The following ROBO1 variants were observed in gnomAD, a reference collection of about 807,000 sequenced individuals.
ROBO1 encodes the protein roundabout homolog 1.
In ROBO1, 149 loss-of-function variants were observed where a neutral mutation model predicts 195.9. The observed-to-expected ratio is 0.76, with a 90% confidence interval of 0.67 to 0.87. The LOEUF is 0.87. Among genes scored for constraint, ROBO1 ranks in the 40% least tolerant of loss-of-function variants. The pLI, the probability that ROBO1 is intolerant of heterozygous loss-of-function variation, is 0.00. For synonymous variants in ROBO1, 816 were observed against 733.2 expected (o/e 1.11, Z -1.82); for missense variants, 1,933 against 2,068.3 (o/e 0.93, Z 1.27).
At chr3:79,427,622 C>G (rs566662590) in intron 2 of ROBO1, among the ~76,000 whole-genome samples, 1 of 152,062 alleles carries the variant, frequency 6.6e-6, no homozygotes, top group Non-Finnish European at 1.5e-5. Flanking sequence ...AATAGAGAAC[C>G]CTGAAATAAC....
At chr3:78,925,779 G>A (rs1348813804) in intron 4 of ROBO1, among the ~76,000 whole-genome samples, 1 of 152,120 alleles carries the variant, frequency 6.6e-6, no homozygotes, top group Non-Finnish European at 1.5e-5. Context: ...TCCATTTATG[G>A]TTACCTTTAA....
intron 8 of ROBO1, among the ~76,000 whole-genome samples, chr3:78,709,921 A>C (rs1308268922): frequency 6.6e-6 from 1 of 152,212 alleles, no homozygotes; most frequent in Non-Finnish European, 1.5e-5. Flanking sequence ...ATGTAATGCA[A>C]TCTTTTTGAT....
chr3:78,622,111 T>C (rs1002289083), intron 26 of ROBO1, among the ~76,000 whole-genome samples: 4 of 152,174 alleles, frequency 2.6e-5, no homozygotes, highest in Admixed American at 2.0e-4. Flanking sequence ...AGTTTAATTA[T>C]ATTATTTTCC....
At chr3:79,314,113 T>G (rs566524473) in intron 2 of ROBO1, among the ~76,000 whole-genome samples, 1 of 152,332 alleles carries the variant, frequency 6.6e-6, no homozygotes, top group South Asian at 2.1e-4. Flanking sequence ...CTAGGTCTCA[T>G]GCTCCTCCTT....
chr3:78,998,884 G>C (rs2077429385), intron 3 of ROBO1, among the ~76,000 whole-genome samples: 1 of 151,902 alleles, frequency 6.6e-6, no homozygotes, highest in South Asian at 2.1e-4. Flanking sequence ...GGTTTCCTTT[G>C]CCACATAGTT....
At chr3:79,693,119 TAAAAG>T (rs1163888989) in intron 1 of ROBO1, among the ~76,000 whole-genome samples, 1 of 151,778 alleles carries the variant, frequency 6.6e-6, no homozygotes, top group Non-Finnish European at 1.5e-5. Flanking sequence ...TGAAAATCGT[TAAAAG>T]AATAGATTTG....
At chr3:79,229,802 G>A (rs1441452516) in intron 2 of ROBO1, among the ~76,000 whole-genome samples, 1 of 151,954 alleles carries the variant, frequency 6.6e-6, no homozygotes, top group African/African-American at 2.4e-5. Context: ...TTTTATTCCC[G>A]ATAAATCTTA....
intron 3 of ROBO1, among the ~76,000 whole-genome samples, chr3:79,025,779 AG>A (rs2108288314): frequency 6.6e-6 from 1 of 152,274 alleles, no homozygotes; most frequent in South Asian, 2.1e-4. Flanking sequence ...GCACTGACTG[AG>A]GTTAAAGTAT....
chr3:79,110,298 G>C (rs1230158405), intron 3 of ROBO1, among the ~76,000 whole-genome samples: 1 of 151,878 alleles, frequency 6.6e-6, no homozygotes, highest in African/African-American at 2.4e-5. Flanking sequence ...TACAATACTA[G>C]TTCACTGACA....
chr3:78,885,918 T>C (rs1194777016), intron 4 of ROBO1, among the ~76,000 whole-genome samples: 1 of 142,190 alleles, frequency 7.0e-6, no homozygotes, highest in African/African-American at 2.6e-5. Flanking sequence ...TTTATATATA[T>C]ATATATATAT....
chr3:79,341,913 C>G (rs1336738181), intron 2 of ROBO1, among the ~76,000 whole-genome samples: 2 of 152,066 alleles, frequency 1.3e-5, no homozygotes, highest in Non-Finnish European at 2.9e-5. Flanking sequence ...TATTCAAACA[C>G]TACAATGAGT....
chr3:78,920,371 C>G (rs1024498004), intron 4 of ROBO1, among the ~76,000 whole-genome samples: 2 of 151,976 alleles, frequency 1.3e-5, no homozygotes, highest in Non-Finnish European at 2.9e-5. Context: ...GTGGCACAAT[C>G]TCAGCTCACT....
chr3:79,312,567 C>T (rs2033537408), intron 2 of ROBO1, among the ~76,000 whole-genome samples: 1 of 151,982 alleles, frequency 6.6e-6, no homozygotes, highest in Admixed American at 6.6e-5. Context: ...CTATACTTAC[C>T]CCAAGCTTCT....
chr3:78,788,084 C>T (rs1576166384), intron 4 of ROBO1, among the ~76,000 whole-genome samples: 5 of 151,512 alleles, frequency 3.3e-5, no homozygotes, highest in South Asian at 2.1e-4. Context: ...GGACTACAGG[C>T]GCCTGCCACC....
intron 3 of ROBO1, among the ~76,000 whole-genome samples, chr3:79,076,359 T>A (rs1262981773): frequency 6.7e-6 from 1 of 150,114 alleles, no homozygotes; most frequent in Non-Finnish European, 1.5e-5. Flanking sequence ...TACCATTAAA[T>A]ACAAACTATT....
intron 8 of ROBO1, among the ~76,000 whole-genome samples, chr3:78,691,806 T>G (rs1488970491): frequency 6.6e-6 from 1 of 152,164 alleles, no homozygotes; most frequent in East Asian, 1.9e-4. Context: ...TTAACAATTT[T>G]CAATCTGAAA....
At chr3:79,473,014 T>C (rs1392762235) in intron 2 of ROBO1, among the ~76,000 whole-genome samples, 2 of 152,270 alleles carry the variant, frequency 1.3e-5, no homozygotes, top group African/African-American at 2.4e-5. Context: ...TGGAAACACT[T>C]AATTAAAAAC....
chr3:79,245,025 T>C lies in ROBO1; in HGVS notation c.89-119486A>G, dbSNP rs536818416. Among the ~76,000 whole-genome samples, 4 of 152,214 alleles carry C rather than the reference T, an allele frequency of 2.6e-5. No individual in the cohort carries two copies. The East Asian group carries it at 7.7e-4, about 29-fold the overall frequency. ...TTTTAGATTGACTACCACACATGATTAAAATGTCTGAATTTTGGTACATTG... is the reference window on the plus strand; with the variant it reads ...TTTTAGATTGACTACCACACATGATCAAAATGTCTGAATTTTGGTACATTG... On this transcript the variant is annotated intron_variant, in intron 2 of 30. Coordinates refer to ENST00000464233, the MANE Select transcript of ROBO1 (RefSeq NM_002941.4).
intron 2 of ROBO1, among the ~76,000 whole-genome samples, chr3:79,386,655 G>A (rs954017686): frequency 6.6e-6 from 1 of 152,046 alleles, no homozygotes; most frequent in South Asian, 2.1e-4. Context: ...GCCAGCAGAC[G>A]GTAAAATACC....
Sources: gnomAD v4.1 joint callset for allele counts (sites outside exome capture counted in the v4.1 genomes callset) on GRCh38, gnomAD v4.1.1 for gene constraint, MANE v1.5 for transcripts, NCBI Gene and HGNC (gene_info 2026-07-23, HGNC 2026-07-21) for gene names.